SCN10A: variants seen among roughly 807,000 people sequenced by gnomAD.
The protein encoded by SCN10A is sodium channel protein type 10 subunit alpha.
Under a neutral mutation model 170.7 loss-of-function variants are expected in SCN10A, and 162 were observed. That is an observed-to-expected ratio of 0.95 (90% CI 0.84 to 1.08). The LOEUF (loss-of-function observed/expected upper bound fraction) is 1.08, where lower values mean the gene tolerates loss of function less well. Ranked by LOEUF, SCN10A falls within the 50% of genes least tolerant of loss-of-function variation. The probability of loss-of-function intolerance (pLI) is 0.00; values close to 1 mark genes in which losing one functional copy is unlikely to be tolerated. For missense variants in SCN10A, 2,527 were observed against 2,436.9 expected (o/e 1.04, Z -0.78); for synonymous variants, 985 against 904.6 (o/e 1.09, Z -1.59).
intron 1 of SCN10A, among the ~76,000 whole-genome samples, chr3:38,804,683 C>T (rs2064394737): frequency 6.6e-6 from 1 of 151,934 alleles, no homozygotes; most frequent in African/African-American, 2.4e-5. Context: ...ATTGTGAGTC[C>T]AGGGTGGATA....
chr3:38,781,083 T>G (rs2064133393), intron 4 of SCN10A, among the ~76,000 whole-genome samples: 1 of 152,104 alleles, frequency 6.6e-6, no homozygotes, highest in Admixed American at 6.5e-5. Flanking sequence ...GGAAAAATGT[T>G]TAAAAAATCG....
intron 5 of SCN10A, among the ~76,000 whole-genome samples, chr3:38,767,825 C>G (rs1042701860): frequency 6.6e-6 from 1 of 152,032 alleles, no homozygotes; most frequent in Non-Finnish European, 1.5e-5. Flanking sequence ...CTGTCTAGTG[C>G]TGTCAGTGGA....
rs76987412 is a variant in SCN10A, at chr3:38,707,497, G to C, written c.4282-114C>G. 4.2e-5 allele frequency: 43 copies of C among 1,026,014 alleles called. No individual in the cohort carries two copies. The East Asian group carries it at 9.2e-4, about 22-fold the overall frequency. 63.6% of individuals were successfully genotyped at this position (1,026,014 alleles called of 1,614,324 possible). ...AACCTTCTCCCCTCCTCTGCAGATAGACAAACCAAGCCCAGCATCAAGGAG... is the reference window on the plus strand; with the variant it reads ...AACCTTCTCCCCTCCTCTGCAGATACACAAACCAAGCCCAGCATCAAGGAG... On this transcript the variant is annotated intron_variant, in intron 25 of 27. Coordinates refer to ENST00000449082, the MANE Select transcript of SCN10A (RefSeq NM_006514.4).
At position 38,739,131 on chromosome 3, in the gene SCN10A, A is replaced by C. The variant is rs148657856; in HGVS notation, c.2280+384T>G. ...AGGATCTTAAAAACGACTATCTCTC[A>C]GGGTTGTTGTGAGCATAAAATGAGG... On this transcript the variant is annotated intron_variant, in intron 15 of 27. Coordinates refer to ENST00000449082, the MANE Select transcript of SCN10A (RefSeq NM_006514.4). Among the ~76,000 whole-genome samples, 927 of 152,178 alleles carry C rather than the reference A, an allele frequency of 6.1e-3. 11 individuals carry two copies. The highest frequency in any genetic ancestry group is 0.021 in the African/African-American group (884 of 41,524).
At chr3:38,803,344 T>C (rs1249245519) in intron 1 of SCN10A, among the ~76,000 whole-genome samples, 1 of 152,116 alleles carries the variant, frequency 6.6e-6, no homozygotes, top group Non-Finnish European at 1.5e-5. Flanking sequence ...TAAAGACACA[T>C]GCACACATAT....
At chr3:38,715,305 C>G (rs1048846089) in intron 21 of SCN10A, among the ~76,000 whole-genome samples, 1 of 152,158 alleles carries the variant, frequency 6.6e-6, no homozygotes, top group African/African-American at 2.4e-5. Context: ...AAGCCCACCT[C>G]CATTCCCACT....
intron 8 of SCN10A, among the ~76,000 whole-genome samples, chr3:38,759,201 T>G (rs1206086486): frequency 6.6e-6 from 1 of 152,110 alleles, no homozygotes; most frequent in African/African-American, 2.4e-5. Context: ...CTGGGGGTGT[T>G]GTGAGCTCTG....
At chr3:38,778,707 G>T (rs920663048) in intron 4 of SCN10A, among the ~76,000 whole-genome samples, 1 of 152,004 alleles carries the variant, frequency 6.6e-6, no homozygotes, top group Admixed American at 6.6e-5. Context: ...GATCTTTGGA[G>T]CCCCAGTCTA....
chr3:38,742,221 C>T, intron 14 of SCN10A, 70 bp downstream of exon 14: 1 of 1,054,750 alleles, frequency 9.5e-7, no homozygotes, highest in Non-Finnish European at 1.4e-6. Flanking sequence ...CCCACCCGAA[C>T]TGCACCCTGC....
At chr3:38,792,764 C>CT (rs11396392) in intron 2 of SCN10A, among the ~76,000 whole-genome samples, 115,502 of 151,912 alleles carry the variant, frequency 0.76, 44,142 homozygotes, top group South Asian at 0.81. Flanking sequence ...TTTTTTGGCT[C>CT]GTAGAACATC....
chr3:38,800,727 A>G (rs1458640194), intron 1 of SCN10A, among the ~76,000 whole-genome samples: 2 of 152,144 alleles, frequency 1.3e-5, no homozygotes, highest in East Asian at 3.9e-4. Flanking sequence ...AACTTCAGGA[A>G]GCTTACATCC....
chr3:38,751,145 C>T (rs1002502675), intron 12 of SCN10A, among the ~76,000 whole-genome samples: 1 of 152,322 alleles, frequency 6.6e-6, no homozygotes, highest in African/African-American at 2.4e-5. Flanking sequence ...CTGGCTTCTT[C>T]TCTCCTGTGC....
intron 3 of SCN10A, among the ~76,000 whole-genome samples, chr3:38,791,662 C>T: frequency 6.6e-6 from 1 of 152,122 alleles, no homozygotes; most frequent in South Asian, 2.1e-4. Flanking sequence ...TCTCATCTGC[C>T]CAAAGAAGGC....
chr3:38,755,955 G>C lies in SCN10A; in HGVS notation c.1294C>G (p.Leu432Val). Residue 432 changes from leucine to valine, a missense_variant, in exon 11 of 28, where the codon CTA becomes GTA. By Grantham distance (32) the Leu-to-Val change is conservative (BLOSUM62 1). Transcript: ENST00000449082. ...GTTGTGTCAATCCCTAGTGCTGCTA[G>C]CACCTGCGAAGAGAGAACAGCAGGT... Reference protein sequence around the residue: ...LEMLRKEQEVLAALGIDTTSL... With the variant: ...LEMLRKEQEVVAALGIDTTSL... 6.2e-7 allele frequency: 1 copy of C among 1,614,194 alleles called. No individual in the cohort carries two copies. Among genetic ancestry groups the C allele is most frequent in the South Asian group, 1.1e-5 (1 of 91,086 alleles).
At chr3:38,795,154 T>C (rs183412380) in intron 1 of SCN10A, among the ~76,000 whole-genome samples, 29 of 152,106 alleles carry the variant, frequency 1.9e-4, no homozygotes, top group African/African-American at 6.7e-4. Context: ...CTCTCTCCTG[T>C]TCTCTATTGG....
At position 38,757,058 on chromosome 3, in the gene SCN10A, C is replaced by T. The variant is rs767987787; in HGVS notation, c.1052G>A (p.Arg351His). ...TTCCCAGGAATCCTGTGTCATGAGG[C>T]GGAACAGTGAGAGGAAAGCCCAAGC... ...SFAWAFLSLF[R>H]LMTQDSWERL... The change falls in exon 9 of 28, where the codon CGC becomes CAC. Residue 351 changes from arginine (R) to histidine (H), a missense_variant. Coordinates refer to ENST00000449082, the MANE Select transcript of SCN10A (RefSeq NM_006514.4). The T allele has an allele frequency of 3.1e-5, 50 of 1,613,362 alleles. No individual in the cohort carries two copies. In the Admixed American group the frequency reaches 4.2e-4, roughly 13 times the overall value.
chr3:38,795,573 TG>T (rs1455960814), intron 1 of SCN10A, among the ~76,000 whole-genome samples: 1 of 152,060 alleles, frequency 6.6e-6, no homozygotes, highest in African/African-American at 2.4e-5. Context: ...GTTCTTATCT[TG>T]ATGGTCCTAT....
chr3:38,705,311 G>A lies in SCN10A; in HGVS notation c.4386+1968C>T, dbSNP rs192741793. Among the ~76,000 whole-genome samples the A allele has an allele frequency of 2.6e-5, 4 of 152,352 alleles. No homozygotes were observed. In the East Asian group the frequency reaches 7.7e-4, roughly 29 times the overall value. ...TCCACTAAGGCTAGCAAAAGGTTGA[G>A]AGTGAATTACTAATCCACTCTTCTT... On this transcript the variant is annotated intron_variant, in intron 26 of 27. Coordinates refer to ENST00000449082, the MANE Select transcript of SCN10A (RefSeq NM_006514.4).
intron 14 of SCN10A, among the ~76,000 whole-genome samples, chr3:38,740,301 A>G (rs1311708068): frequency 6.6e-6 from 1 of 152,236 alleles, no homozygotes; most frequent in Non-Finnish European, 1.5e-5. Flanking sequence ...GAATTCTGAC[A>G]CTGAGAGAGG....
Sources: allele counts gnomAD v4.1 joint callset (sites outside exome capture counted in the v4.1 genomes callset), GRCh38; gene constraint gnomAD v4.1.1; transcripts MANE v1.5; gene names NCBI Gene and HGNC (gene_info 2026-07-23, HGNC 2026-07-21).